The following TNFRSF19 variants were observed in gnomAD, a reference collection of about 807,000 sequenced individuals.
The protein encoded by TNFRSF19 is tumor necrosis factor receptor superfamily member 19.
In TNFRSF19, 27 loss-of-function variants were observed where a neutral mutation model predicts 46.4. The observed-to-expected ratio is 0.58, with a 90% CI of 0.43 to 0.80. The LOEUF is 0.80. Among genes scored for constraint, TNFRSF19 ranks in the 30% least tolerant of loss-of-function variants. The pLI is 0.00. For missense variants in TNFRSF19, 511 were observed against 530.8 expected (o/e 0.96, Z 0.37); for synonymous variants, 204 against 205.0 (o/e 1.00, Z 0.04).
chr13:23,605,264 C>T lies in TNFRSF19; in HGVS notation c.181-10603C>T, dbSNP rs114290443. 5.8e-3 allele frequency among the ~76,000 whole-genome samples: 889 copies of T among 152,172 alleles called. 12 individuals carry two copies. Among genetic ancestry groups the T allele is most frequent in the African/African-American group, 0.02 (814 of 41,502 alleles). ...GCAAATTTAAGCAACGCGATATCACCGTACACCTATTAGAAATCCAGAATC... is the reference window on the plus strand; with the variant it reads ...GCAAATTTAAGCAACGCGATATCACTGTACACCTATTAGAAATCCAGAATC... On this transcript the variant is annotated intron_variant, in intron 3 of 9. Transcript: ENST00000248484.
intron 1 of TNFRSF19, among the ~76,000 whole-genome samples, chr13:23,573,967 C>A (rs1877790065): frequency 6.8e-6 from 1 of 147,146 alleles, no homozygotes; most frequent in Non-Finnish European, 1.5e-5. Context: ...GAGGCTGAGG[C>A]AGAAAAATGG....
chr13:23,658,276 G>A (rs1884112901), intron 5 of TNFRSF19, among the ~76,000 whole-genome samples: 1 of 152,138 alleles, frequency 6.6e-6, no homozygotes, highest in African/African-American at 2.4e-5. Context: ...ACATGAGCCA[G>A]TCACTATTAT....
intron 5 of TNFRSF19, among the ~76,000 whole-genome samples, chr13:23,633,162 T>G (rs1157548051): frequency 2.1e-5 from 3 of 145,514 alleles, no homozygotes; most frequent in Admixed American, 1.4e-4. Flanking sequence ...CAGGCTAGAG[T>G]GCAGTGGTGC....
intron 9 of TNFRSF19, among the ~76,000 whole-genome samples, chr13:23,669,945 C>T (rs1007207312): frequency 1.3e-5 from 2 of 152,140 alleles, no homozygotes; most frequent in Non-Finnish European, 2.9e-5. Flanking sequence ...GCTCCCAGGC[C>T]CACAAGACTC....
chr13:23,584,929 G>C (rs1407531797), intron 1 of TNFRSF19, among the ~76,000 whole-genome samples: 1 of 152,126 alleles, frequency 6.6e-6, no homozygotes, highest in Admixed American at 6.6e-5. Flanking sequence ...GCTAGAAGCC[G>C]GGGGTTATTG....
chr13:23,584,083 T>C (rs1012917541), intron 1 of TNFRSF19, among the ~76,000 whole-genome samples: 11 of 152,086 alleles, frequency 7.2e-5, no homozygotes, highest in Non-Finnish European at 1.2e-4. Flanking sequence ...TTATCTATTT[T>C]TTCTTTATTT....
At chr13:23,627,981 A>G (rs1276689823) in intron 5 of TNFRSF19, among the ~76,000 whole-genome samples, 9 of 152,304 alleles carry the variant, frequency 5.9e-5, no homozygotes, top group Admixed American at 5.2e-4. Context: ...TATAATAGGT[A>G]AACATTCACC....
chr13:23,673,375 G>T lies in TNFRSF19; in HGVS notation c.1249G>T (p.Ala417Ser). Reference protein sequence around the residue: ...HPATQTSLQEA With the variant: ...HPATQTSLQES ...TTCCTTTCTGTTGCTGTTTTAGGAAGCTTAAAGAACCTGCTTCTTTCTGCA... is the reference window on the plus strand; with the variant it reads ...TTCCTTTCTGTTGCTGTTTTAGGAATCTTAAAGAACCTGCTTCTTTCTGCA... Residue 417 changes from alanine (A) to serine (S), a missense_variant, in exon 10 of 10, where the codon GCT becomes TCT. Coordinates refer to ENST00000248484, the MANE Select transcript of TNFRSF19 (RefSeq NM_148957.4). 6.2e-7 allele frequency: 1 copy of T among 1,604,150 alleles called. No individual in the cohort carries two copies.
chr13:23,638,466 G>T lies in TNFRSF19; in HGVS notation c.445+11674G>T, dbSNP rs1424427226. Among the ~76,000 whole-genome samples, 6 of 152,182 alleles carry T rather than the reference G, an allele frequency of 3.9e-5. No individual in the cohort carries two copies. The South Asian group carries it at 8.3e-4, about 21-fold the overall frequency. ...TGGGGTGCACCTGCCTGCCTTGCCA[G>T]CCCCTCCCCATGGTCATTGCTTTTT... On this transcript the variant is annotated intron_variant, in intron 5 of 9. Transcript: ENST00000248484.
At chr13:23,594,245 C>T (rs1033916151) in intron 3 of TNFRSF19, 17 of 451,916 alleles carry the variant, frequency 3.8e-5, no homozygotes, top group East Asian at 7.0e-5. Flanking sequence ...GGAACACCAG[C>T]GAGACAGAAC....
chr13:23,657,699 T>C (rs1884070400), intron 5 of TNFRSF19, among the ~76,000 whole-genome samples: 1 of 152,142 alleles, frequency 6.6e-6, no homozygotes, highest in Non-Finnish European at 1.5e-5. Flanking sequence ...CTTCTTCTTC[T>C]TCTTTTTTTC....
At chr13:23,605,268 C>T (rs540616861) in intron 3 of TNFRSF19, among the ~76,000 whole-genome samples, 1 of 152,264 alleles carries the variant, frequency 6.6e-6, no homozygotes, top group South Asian at 2.1e-4. Context: ...TATCACCGTA[C>T]ACCTATTAGA....
At position 23,669,087 on chromosome 13, in the gene TNFRSF19, CGT is replaced by C; in HGVS notation, c.1236_1237del (p.Ser413ProfsTer26). 6.2e-7 allele frequency: 1 copy of C among 1,613,964 alleles called. No homozygotes were observed. Among genetic ancestry groups the C allele is most frequent in the East Asian group, 2.2e-5 (1 of 44,892 alleles). The stretch of plus-strand genomic sequence containing the variant: ...GCTGTCATCCACCCAGCCACTCAGA[CGT>C]CCCTCCAGGTAAGGCAGCGACTGGG... On this transcript the variant is annotated frameshift_variant, in exon 9 of 10. Transcript: ENST00000248484. LOFTEE classifies it high-confidence loss of function.
chr13:23,658,593 C>T (rs1178648235), intron 5 of TNFRSF19, among the ~76,000 whole-genome samples: 1 of 152,214 alleles, frequency 6.6e-6, no homozygotes, highest in Non-Finnish European at 1.5e-5. Flanking sequence ...GATGATCCAA[C>T]TCCTTGTTTT....
intron 5 of TNFRSF19, among the ~76,000 whole-genome samples, chr13:23,637,345 T>C (rs2138325194): frequency 6.6e-6 from 1 of 152,348 alleles, no homozygotes; most frequent in East Asian, 1.9e-4. Context: ...ACACTTAATT[T>C]TCAGACAAAT....
chr13:23,572,747 G>A (rs7995940), intron 1 of TNFRSF19, among the ~76,000 whole-genome samples: 99,632 of 152,094 alleles, frequency 0.66, 33,436 homozygotes, highest in African/African-American at 0.79. Context: ...AAAGATGGTT[G>A]TATCTGAAGG....
chr13:23,672,719 T>C (rs1951777020), intron 9 of TNFRSF19, among the ~76,000 whole-genome samples: 1 of 152,232 alleles, frequency 6.6e-6, no homozygotes, highest in Admixed American at 6.5e-5. Context: ...ATACATGAAA[T>C]TAATGTTCAG....
At position 23,576,955 on chromosome 13, in the gene TNFRSF19, T is replaced by C. The variant is rs183938956; in HGVS notation, c.-35+6107T>C. On this transcript the variant is annotated intron_variant, in intron 1 of 9. Transcript: ENST00000248484. ...TTTTCTCACCGTCAATGATCATTTA[T>C]TGATTGATGCTAGGCATTGTAAGAG... Among the ~76,000 whole-genome samples the C allele has an allele frequency of 1.8e-3, 274 of 152,344 alleles. 1 individual carries two copies. The highest frequency in any genetic ancestry group is 6.3e-3 in the African/African-American group (262 of 41,570).
rs546676285 is a variant in TNFRSF19, at chr13:23,578,153, T to A, written c.-35+7305T>A. Among the ~76,000 whole-genome samples, 6 of 152,124 alleles carry A rather than the reference T, an allele frequency of 3.9e-5. No individual in the cohort carries two copies. The South Asian group carries it at 8.3e-4, about 21-fold the overall frequency. On this transcript the variant is annotated intron_variant, in intron 1 of 9. Coordinates refer to ENST00000248484, the MANE Select transcript of TNFRSF19 (RefSeq NM_148957.4). ...TGGGGAAGGAAACAGATAAAGAAGT[T>A]CAGCGGGATGTGGGAATGAATATGG...
Sources: gnomAD v4.1 joint callset for allele counts (sites outside exome capture counted in the v4.1 genomes callset) on GRCh38, gnomAD v4.1.1 for gene constraint, MANE v1.5 for transcripts, NCBI Gene and HGNC (gene_info 2026-07-23, HGNC 2026-07-21) for gene names.